DYSF: variants seen among roughly 807,000 people sequenced by gnomAD.
DYSF encodes dystrophy-associated fer-1-like 1.
In DYSF, 212 loss-of-function variants were observed where a neutral mutation model predicts 274.9. The observed-to-expected ratio is 0.77, with a 90% CI of 0.69 to 0.86. DYSF has a LOEUF of 0.86. DYSF is among the 40% of genes least tolerant of loss of function. DYSF has a pLI of 0.00. For synonymous variants in DYSF, 1,091 were observed against 1,078.7 expected, an observed-to-expected ratio of 1.01 and a Z score of -0.22; for missense variants, 2,666 against 2,783.2, an observed-to-expected ratio of 0.96 and a Z score of 0.95.
chr2:71,529,944 T>G (rs900385009), intron 14 of DYSF, among the ~76,000 whole-genome samples: 4 of 150,604 alleles, frequency 2.7e-5, no homozygotes, highest in Admixed American at 1.3e-4. Flanking sequence ...GATGTATGAA[T>G]TATACTGAAG....
At chr2:71,523,349 A>G (rs1442670102) in intron 12 of DYSF, among the ~76,000 whole-genome samples, 1 of 152,160 alleles carries the variant, frequency 6.6e-6, no homozygotes, top group East Asian at 1.9e-4. Context: ...GGCCACATCT[A>G]ACTACGAGGG....
intron 42 of DYSF, among the ~76,000 whole-genome samples, chr2:71,649,301 A>T (rs1181478488): frequency 6.6e-6 from 1 of 152,204 alleles, no homozygotes; most frequent in African/African-American, 2.4e-5. Flanking sequence ...AGGACAAAAG[A>T]GTATGGAATA....
At chr2:71,500,051 G>T (rs2084817683) in intron 3 of DYSF, among the ~76,000 whole-genome samples, 1 of 152,140 alleles carries the variant, frequency 6.6e-6, no homozygotes, top group Non-Finnish European at 1.5e-5. Flanking sequence ...AGGGCACCTG[G>T]CCCTGGAGCC....
At position 71,658,827 on chromosome 2, in the gene DYSF, C is replaced by T. The variant is rs773880404; in HGVS notation, c.4756-51C>T. The stretch of plus-strand genomic sequence containing the variant: ...AGATTTGGGTGGGGACACAGCCAAA[C>T]CATATCAACAATGATGATAAAAATG... On this transcript the variant is annotated intron_variant, in intron 43 of 55. Transcript: ENST00000410020. 4 of 1,608,872 alleles carry T rather than the reference C, an allele frequency of 2.5e-6. No individual in the cohort carries two copies. In the South Asian group the frequency reaches 4.4e-5, roughly 18 times the overall value.
At chr2:71,635,342 C>T (rs1247038538) in intron 41 of DYSF, among the ~76,000 whole-genome samples, 1 of 152,158 alleles carries the variant, frequency 6.6e-6, no homozygotes, top group Non-Finnish European at 1.5e-5. Flanking sequence ...AGGATCACCC[C>T]CTCTTTCCCC....
chr2:71,474,490 A>T (rs1279904075), intron 1 of DYSF, among the ~76,000 whole-genome samples: 2 of 152,232 alleles, frequency 1.3e-5, no homozygotes, highest in South Asian at 2.1e-4. Flanking sequence ...CTAAATTAAT[A>T]ATCAGGAACA....
chr2:71,617,996 A>AGG (rs2093947692), intron 40 of DYSF, among the ~76,000 whole-genome samples: 1 of 42,324 alleles, frequency 2.4e-5, no homozygotes, highest in Non-Finnish European at 4.4e-5. Context: ...GGTGAGGTAT[A>AGG]TGTGTGTGTG....
In DYSF at chr2:71,519,169, G is replaced by A. The variant is rs1462342394; in HGVS notation, c.1003-1009G>A. Among the ~76,000 whole-genome samples the A allele has an allele frequency of 2.2e-5, 3 of 139,144 alleles. No homozygotes were observed. The East Asian group carries it at 6.6e-4, about 30-fold the overall frequency. The allele number at this position is 139,144 out of a possible 152,430, so 91.3% of individuals were successfully genotyped here. On this transcript the variant is annotated intron_variant, in intron 10 of 55. Coordinates refer to ENST00000410020, the MANE Select transcript of DYSF (RefSeq NM_001130987.2). ...CTAGATCAGTGGGTGAGATTTCTTT[G>A]TCTTTGCGCTGTCTTCTCAAATCAT...
intron 41 of DYSF, among the ~76,000 whole-genome samples, 188 bp from the exon 42 acceptor site, chr2:71,643,777 C>A (rs941260641): frequency 6.6e-6 from 1 of 152,208 alleles, no homozygotes; most frequent in Admixed American, 6.5e-5. Flanking sequence ...ATGCTGAAAC[C>A]TCTTCCTCAG....
chr2:71,669,195 T>C lies in DYSF; in HGVS notation c.5630T>C (p.Ile1877Thr), dbSNP rs191052325. 7 of 1,607,672 alleles carry C rather than the reference T, an allele frequency of 4.4e-6. No individual in the cohort carries two copies. The highest frequency in any genetic ancestry group is 1.3e-5 in the African/African-American group (1 of 74,954). Residue 1877 changes from isoleucine to threonine, a missense_variant, in exon 50 of 56, where the codon ATT (isoleucine) becomes ACT (threonine). By Grantham distance (89) the Ile-to-Thr change is moderately conservative (BLOSUM62 -1). Around this residue, in one of 3 missense-constraint regions of DYSF, gnomAD observed 1,460 missense variants for 1,502.1 expected, o/e 0.97. Transcript: ENST00000410020. ...LSLTGEKMSD[I>T]YVKGWMIGFE... is the part of the protein sequence containing the mutation. ...CTCACGGGGGAGAAGATGAGCGACA[T>C]TTATGTGAAAGGGTAGGGAGCCAGC...
At chr2:71,608,244 G>C (rs2093680701) in intron 36 of DYSF, among the ~76,000 whole-genome samples, 1 of 150,688 alleles carries the variant, frequency 6.6e-6, no homozygotes, top group African/African-American at 2.5e-5. Context: ...GGAGAGGAGG[G>C]AGCCTGCAGA....
At chr2:71,459,071 G>A (rs538458861) in intron 1 of DYSF, among the ~76,000 whole-genome samples, 26 of 152,242 alleles carry the variant, frequency 1.7e-4, no homozygotes, top group East Asian at 1.9e-4. Context: ...TGGGATATCC[G>A]CCGGACACAT....
In DYSF at chr2:71,568,069, T is replaced by C; in HGVS notation, c.2684T>C (p.Val895Ala). The C allele has an allele frequency of 6.2e-7, 1 of 1,614,158 alleles. No individual in the cohort carries two copies. The highest frequency in any genetic ancestry group is 8.5e-7 in the Non-Finnish European group (1 of 1,180,026). ...CAGTTTGCTGAGGGGAAGCTGTCTG[T>C]CTTTGCTGAAACCGTGAGTACCTGC... ...FNQFAEGKLS[V>A]FAETYENETK... Residue 895 changes from valine to alanine, a missense_variant, in exon 25 of 56, where the codon GTC becomes GCC. By Grantham distance (64) the Val-to-Ala change is moderately conservative (BLOSUM62 0). Around this residue, in one of 3 missense-constraint regions of DYSF, gnomAD observed 412 missense variants for 504.0 expected, o/e 0.82. Transcript: ENST00000410020.
rs2091071095 is a variant in DYSF, at chr2:71,553,090, T to G, written c.1886T>G (p.Ile629Ser). Residue 629 changes from isoleucine (I) to serine (S), a missense_variant, in exon 20 of 56, where the codon ATC (isoleucine) becomes AGC (serine). Physicochemically the swap from Ile to Ser is moderately radical, Grantham distance 142. Around this residue, in one of 3 missense-constraint regions of DYSF, gnomAD observed 412 missense variants for 504.0 expected, o/e 0.82. Coordinates refer to ENST00000410020, the MANE Select transcript of DYSF (RefSeq NM_001130987.2). The part of the protein sequence containing the change: ...ATMLQDVDDA[I>S]QFEVSIGNYG... ...ATGCTGCAGGATGTGGATGATGCCATCCAGTTTGAGGTCAGCATCGGGAAC... is the reference window on the plus strand; with the variant it reads ...ATGCTGCAGGATGTGGATGATGCCAGCCAGTTTGAGGTCAGCATCGGGAAC... 1 of 1,614,064 alleles carries G rather than the reference T, an allele frequency of 6.2e-7. No individual in the cohort carries two copies. Among genetic ancestry groups the G allele is most frequent in the Non-Finnish European group, 8.5e-7 (1 of 1,180,042 alleles).
chr2:71,556,931 C>T (rs929808273), intron 22 of DYSF, among the ~76,000 whole-genome samples: 7 of 152,204 alleles, frequency 4.6e-5, no homozygotes, highest in East Asian at 1.9e-4. Context: ...CCCTGCTGAA[C>T]GCATCTGAGA....
intron 45 of DYSF, among the ~76,000 whole-genome samples, chr2:71,661,387 A>G (rs1437543552): frequency 6.6e-6 from 1 of 152,158 alleles, no homozygotes; most frequent in East Asian, 1.9e-4. Context: ...CATTACGTTT[A>G]ACCAAACTAG....
At chr2:71,453,684 T>G in exon 1 of DYSF, 7 of 422,420 alleles carry the variant, frequency 1.7e-5, no homozygotes, top group Non-Finnish European at 2.7e-5. Context: ...AGCCGGAGCA[T>G]TAGATTACAG....
At chr2:71,623,557 A>C (rs1413489429) in intron 41 of DYSF, among the ~76,000 whole-genome samples, 1 of 152,060 alleles carries the variant, frequency 6.6e-6, no homozygotes, top group African/African-American at 2.4e-5. Flanking sequence ...CTCTTTTTGA[A>C]TTTGGATGTG....
chr2:71,669,704 C>T lies in DYSF; in HGVS notation c.5742C>T (p.Phe1914=), dbSNP rs769289729. 51 of 1,614,054 alleles carry T rather than the reference C, an allele frequency of 3.2e-5. No individual in the cohort carries two copies. The Middle Eastern group carries it at 8.2e-4, about 26-fold the overall frequency. Reference sequence around the variant, plus strand: ...TCAACTGGAGGTTCATTTTCCCCTTCGACTACCTGCCAGCTGAGCAAGTCT... The same window carrying T: ...TCAACTGGAGGTTCATTTTCCCCTTTGACTACCTGCCAGCTGAGCAAGTCT... ...GNFNWRFIFP[F]DYLPAEQVCT... is the part of the protein sequence containing the mutation. The change falls in exon 51 of 56, where the codon TTC becomes TTT. Residue 1914 remains phenylalanine (F), a synonymous_variant. Coordinates refer to ENST00000410020, the MANE Select transcript of DYSF (RefSeq NM_001130987.2).
Sources: allele counts gnomAD v4.1 joint callset (sites outside exome capture counted in the v4.1 genomes callset), GRCh38; gene constraint gnomAD v4.1.1; regional missense constraint gnomAD v4.1.1; transcripts MANE v1.5; gene names NCBI Gene and HGNC (gene_info 2026-07-23, HGNC 2026-07-21).